RBFOX1: variants seen among roughly 807,000 people sequenced by gnomAD.
RBFOX1 encodes RNA binding fox-1 homolog 1.
Under a neutral mutation model 57.7 loss-of-function variants are expected in RBFOX1, and 8 were observed. That is an observed-to-expected ratio of 0.14 (90% CI 0.08 to 0.25). The LOEUF is 0.25. Among genes scored for constraint, RBFOX1 ranks in the 10% least tolerant of loss-of-function variants. The pLI, the probability that RBFOX1 is intolerant of heterozygous loss-of-function variation, is 1.00. For synonymous variants in RBFOX1, 326 were observed against 222.4 expected (o/e 1.47, Z -4.15); for missense variants, 611 against 548.5 (o/e 1.11, Z -1.14).
At chr16:6,364,553 G>C (rs1737380135) in intron 2 of RBFOX1, among the ~76,000 whole-genome samples, 1 of 152,152 alleles carries the variant, frequency 6.6e-6, no homozygotes, top group Non-Finnish European at 1.5e-5. Flanking sequence ...CGGTGCATGT[G>C]AACACATGTG....
chr16:6,343,167 A>T (rs1312565566), intron 2 of RBFOX1, among the ~76,000 whole-genome samples: 2 of 152,198 alleles, frequency 1.3e-5, no homozygotes, highest in Admixed American at 6.5e-5. Flanking sequence ...TTCACAAAAG[A>T]TAGTCTCATC....
rs146964060 is a variant in RBFOX1 at position 5,659,520 on chromosome 16, G to A, written c.318+60559G>A. Reference sequence around the variant, plus strand: ...GGGTTTTACCATGTTAGCCAGGATGGCCTCAGTCTCCTGACCTTGTGATCC... The same window carrying A: ...GGGTTTTACCATGTTAGCCAGGATGACCTCAGTCTCCTGACCTTGTGATCC... On this transcript the variant is annotated intron_variant, in intron 3 of 19. Transcript: ENST00000641259. 8.3e-3 allele frequency among the ~76,000 whole-genome samples: 1,263 copies of A among 152,080 alleles called. 17 individuals are homozygous for A. Among genetic ancestry groups the A allele is most frequent in the African/African-American group, 0.028 (1,181 of 41,466 alleles).
intron 3 of RBFOX1, among the ~76,000 whole-genome samples, chr16:6,995,306 G>C (rs527521351): frequency 1.3e-5 from 2 of 151,200 alleles, no homozygotes; most frequent in South Asian, 2.1e-4. Context: ...GTGTGTGTGT[G>C]TGTGTGTGTG....
chr16:6,649,620 G>C (rs74874962), intron 2 of RBFOX1, among the ~76,000 whole-genome samples: 2,377 of 152,190 alleles, frequency 0.016, 68 homozygotes, highest in African/African-American at 0.053. Flanking sequence ...GCAATGTTTC[G>C]TTTTCCATTC....
chr16:6,543,000 C>T (rs543672217), intron 2 of RBFOX1, among the ~76,000 whole-genome samples: 1 of 152,234 alleles, frequency 6.6e-6, no homozygotes, highest in Admixed American at 6.5e-5. Context: ...TATCATTCCT[C>T]CTCCTCTCAC....
intron 3 of RBFOX1, among the ~76,000 whole-genome samples, chr16:5,703,097 C>G (rs1157778786): frequency 6.6e-6 from 1 of 152,100 alleles, no homozygotes; most frequent in Admixed American, 6.6e-5. Flanking sequence ...GAAAAAGATG[C>G]CAGGTCTTTG....
At chr16:6,725,712 C>A (rs78971598) in intron 3 of RBFOX1, among the ~76,000 whole-genome samples, 3 of 152,086 alleles carry the variant, frequency 2.0e-5, no homozygotes, top group African/African-American at 2.4e-5. Flanking sequence ...TTCTAAAACT[C>A]TATATTCAGG....
chr16:6,846,298 A>C (rs2093751411), intron 3 of RBFOX1, among the ~76,000 whole-genome samples: 1 of 152,142 alleles, frequency 6.6e-6, no homozygotes, highest in South Asian at 2.1e-4. Context: ...GTCATCAAGA[A>C]ACATGGACAC....
intron 3 of RBFOX1, among the ~76,000 whole-genome samples, chr16:6,952,813 T>C (rs1237817837): frequency 6.6e-6 from 1 of 151,776 alleles, no homozygotes; most frequent in African/African-American, 2.4e-5. Flanking sequence ...CCATCTCTAC[T>C]AAAATACAAA....
intron 3 of RBFOX1, among the ~76,000 whole-genome samples, chr16:6,815,751 C>G (rs2089932420): frequency 6.6e-6 from 1 of 152,150 alleles, no homozygotes; most frequent in Non-Finnish European, 1.5e-5. Flanking sequence ...AGCAAAAAGT[C>G]TATAGTTTGC....
chr16:5,856,683 A>G (rs8059964), intron 3 of RBFOX1, among the ~76,000 whole-genome samples: 2 of 148,092 alleles, frequency 1.4e-5, no homozygotes, highest in Admixed American at 6.8e-5. Flanking sequence ...TGTTATAGAG[A>G]TGGTTTCTTT....
intron 4 of RBFOX1, among the ~76,000 whole-genome samples, chr16:7,076,765 G>A (rs2153789282): frequency 1.3e-5 from 2 of 152,222 alleles, no homozygotes; most frequent in South Asian, 4.1e-4. Context: ...GAAATGACCA[G>A]TTTAAACTTC....
At chr16:7,336,760 C>G (rs995212463) in intron 4 of RBFOX1, among the ~76,000 whole-genome samples, 1 of 152,116 alleles carries the variant, frequency 6.6e-6, no homozygotes, top group Non-Finnish European at 1.5e-5. Flanking sequence ...CAGTATTTGT[C>G]CACCTTCCTA....
At chr16:7,334,896 C>G (rs907042013) in intron 4 of RBFOX1, among the ~76,000 whole-genome samples, 1 of 152,148 alleles carries the variant, frequency 6.6e-6, no homozygotes, top group African/African-American at 2.4e-5. Context: ...CAAGCGACAC[C>G]TCTGGTAACT....
chr16:5,243,098 T>C (rs2062208983), intron 1 of RBFOX1, among the ~76,000 whole-genome samples: 1 of 152,110 alleles, frequency 6.6e-6, no homozygotes, highest in African/African-American at 2.4e-5. Flanking sequence ...CTAGAAAACC[T>C]AGCCCTCCCC....
At chr16:7,623,224 G>A (rs2059577899) in intron 10 of RBFOX1, among the ~76,000 whole-genome samples, 1 of 152,160 alleles carries the variant, frequency 6.6e-6, no homozygotes, top group African/African-American at 2.4e-5. Context: ...ACCCGGGTTG[G>A]GTTTTGTGGA....
At chr16:7,600,423 T>G (rs6500999) in intron 9 of RBFOX1, among the ~76,000 whole-genome samples, 139,037 of 152,236 alleles carry the variant, frequency 0.91, 63,782 homozygotes, top group African/African-American at 0.96. Context: ...TAAATTCCCT[T>G]AAGTGGCAAT....
At chr16:5,987,596 G>A (rs1023279591) in intron 4 of RBFOX1, among the ~76,000 whole-genome samples, 42 of 152,224 alleles carry the variant, frequency 2.8e-4, no homozygotes, top group African/African-American at 9.6e-4. Flanking sequence ...CTAGGTACTC[G>A]GGAGGCAGAG....
chr16:6,812,372 C>T (rs1330338315), intron 3 of RBFOX1, among the ~76,000 whole-genome samples: 1 of 151,642 alleles, frequency 6.6e-6, no homozygotes, highest in East Asian at 1.9e-4. Flanking sequence ...GGTTCAGTTT[C>T]TTATTTTTTA....
Sources: gnomAD v4.1 joint callset for allele counts (sites outside exome capture counted in the v4.1 genomes callset) on GRCh38, gnomAD v4.1.1 for gene constraint, MANE v1.5 for transcripts, NCBI Gene and HGNC (gene_info 2026-07-23, HGNC 2026-07-21) for gene names.